The following NOX4 variants were observed in gnomAD, a reference collection of about 807,000 sequenced individuals.
The protein encoded by NOX4 is kidney oxidase-1.
A neutral mutation model predicts 87.6 loss-of-function variants in NOX4; 69 were observed. The ratio of observed to expected loss-of-function variants is 0.79; its 90% CI spans 0.65 to 0.96. The LOEUF (loss-of-function observed/expected upper bound fraction) is 0.96, where lower values mean the gene tolerates loss of function less well. NOX4 is among the 40% of genes least tolerant of loss of function. The probability of loss-of-function intolerance (pLI) is 0.00; values close to 1 mark genes in which losing one functional copy is unlikely to be tolerated. For missense variants in NOX4, 680 were observed against 681.5 expected, an observed-to-expected ratio of 1.00 and a Z score of 0.02; for synonymous variants, 275 against 238.2, an observed-to-expected ratio of 1.15 and a Z score of -1.42.
At chr11:89,438,836 AT>A (rs1944279598) in intron 6 of NOX4, among the ~76,000 whole-genome samples, 1 of 39,698 alleles carries the variant, frequency 2.5e-5, no homozygotes, top group Non-Finnish European at 3.6e-5. Flanking sequence ...TATCTTATAT[AT>A]TATATATATT....
At chr11:89,488,856 G>T in intron 2 of NOX4, 1 of 611,652 alleles carries the variant, frequency 1.6e-6, no homozygotes, top group Non-Finnish European at 2.9e-6. Flanking sequence ...GTGTTTATTA[G>T]AAGAAACCTT....
the NOX4 span, among the ~76,000 whole-genome samples, chr11:89,516,055 T>G: frequency 6.6e-6 from 1 of 152,084 alleles, no homozygotes; most frequent in African/African-American, 2.4e-5. Flanking sequence ...ATGTATTATA[T>G]ATTCACTTTT....
intron 2 of NOX4, among the ~76,000 whole-genome samples, chr11:89,489,496 G>A (rs1425796511): frequency 6.6e-6 from 1 of 152,114 alleles, no homozygotes; most frequent in Non-Finnish European, 1.5e-5. Context: ...GGGAGGCTGA[G>A]GCAGGCGGAT....
chr11:89,432,976 A>G (rs1274404219), intron 6 of NOX4, 120 bp from the exon 7 acceptor site: 9 of 668,192 alleles, frequency 1.3e-5, no homozygotes. Flanking sequence ...TTCAAATCCC[A>G]CATCTACATG....
chr11:89,553,665 C>T, the NOX4 span, among the ~76,000 whole-genome samples: 2 of 151,884 alleles, frequency 1.3e-5, no homozygotes, highest in Admixed American at 1.3e-4. Context: ...GTGAGCATAT[C>T]ACAGGCAATC....
At chr11:89,333,677 A>G (rs1945574191) in intron 17 of NOX4, among the ~76,000 whole-genome samples, 1 of 151,770 alleles carries the variant, frequency 6.6e-6, no homozygotes, top group South Asian at 2.1e-4. Context: ...ATATGTTTTC[A>G]GCAATTTGTG....
At chr11:89,415,324 A>G (rs1191314143) in intron 8 of NOX4, among the ~76,000 whole-genome samples, 1 of 152,090 alleles carries the variant, frequency 6.6e-6, no homozygotes, top group African/African-American at 2.4e-5. Flanking sequence ...TTCTTTTTCC[A>G]GTAGCCTTCA....
At chr11:89,392,320 A>G (rs1402225314) in intron 11 of NOX4, among the ~76,000 whole-genome samples, 2 of 152,088 alleles carry the variant, frequency 1.3e-5, no homozygotes. Context: ...TCCCTGGGCC[A>G]CCTCAAGAGT....
At chr11:89,399,904 A>T (rs1361717804) in intron 11 of NOX4, 113 bp downstream of exon 11, 1 of 634,862 alleles carries the variant, frequency 1.6e-6, no homozygotes, top group East Asian at 2.8e-5. Context: ...TTACTTAAAC[A>T]TCAAGAGTAC....
chr11:89,475,787 G>A (rs1946140687), intron 2 of NOX4, among the ~76,000 whole-genome samples: 1 of 151,916 alleles, frequency 6.6e-6, no homozygotes, highest in Non-Finnish European at 1.5e-5. Flanking sequence ...AAGAAATATT[G>A]AGGCACTGGG....
At chr11:89,451,316 C>T (rs1390194306) in intron 3 of NOX4, among the ~76,000 whole-genome samples, 2 of 152,216 alleles carry the variant, frequency 1.3e-5, no homozygotes, top group East Asian at 3.9e-4. Context: ...TCATGTATTG[C>T]TCAGAATCTA....
intron 8 of NOX4, among the ~76,000 whole-genome samples, chr11:89,409,167 G>A (rs1484925994): frequency 1.3e-5 from 2 of 151,986 alleles, no homozygotes; most frequent in Non-Finnish European, 2.9e-5. Context: ...AAATGACAGT[G>A]GAGGATAAAA....
At chr11:89,445,016 C>T (rs954314419) in intron 4 of NOX4, among the ~76,000 whole-genome samples, 68 of 152,206 alleles carry the variant, frequency 4.5e-4, no homozygotes, top group African/African-American at 1.6e-3. Flanking sequence ...CTTGCTCAAG[C>T]TTTGCTTGTA....
the NOX4 span, among the ~76,000 whole-genome samples, chr11:89,537,980 G>A: frequency 3.3e-5 from 5 of 152,158 alleles, no homozygotes; most frequent in South Asian, 1.0e-3. Context: ...TCTTAAACCA[G>A]AATATGGTTG....
At chr11:89,367,151 G>C (rs533843628) in intron 12 of NOX4, among the ~76,000 whole-genome samples, 42 of 152,184 alleles carry the variant, frequency 2.8e-4, no homozygotes, top group African/African-American at 9.9e-4. Flanking sequence ...ACTCACAAGA[G>C]GCCAGAACTA....
At chr11:89,399,213 A>T (rs1941676025) in intron 11 of NOX4, among the ~76,000 whole-genome samples, 1 of 150,320 alleles carries the variant, frequency 6.7e-6, no homozygotes, top group South Asian at 2.1e-4. Context: ...GCCATTATTT[A>T]CTCCATTTGA....
intron 7 of NOX4, among the ~76,000 whole-genome samples, chr11:89,425,995 A>G (rs150939215): frequency 2.0e-4 from 31 of 152,270 alleles, no homozygotes; most frequent in African/African-American, 7.2e-4. Flanking sequence ...GTTCAGAAGC[A>G]TCAACACTAT....
At chr11:89,526,484 G>A in the NOX4 span, among the ~76,000 whole-genome samples, 1 of 152,074 alleles carries the variant, frequency 6.6e-6, no homozygotes, top group African/African-American at 2.4e-5. Flanking sequence ...ATATGGTTAG[G>A]CTTTCTGTTC....
chr11:89,491,766 A>ACAC (rs1491101040), upstream of NOX4, among the ~76,000 whole-genome samples: 3 of 118,344 alleles, frequency 2.5e-5, no homozygotes, highest in South Asian at 4.5e-4. Context: ...ACACACACAC[A>ACAC]AGAAGACACA....
Sources: gnomAD v4.1 joint callset for allele counts (sites outside exome capture counted in the v4.1 genomes callset) on GRCh38, gnomAD v4.1.1 for gene constraint, MANE v1.5 for transcripts, NCBI Gene and HGNC (gene_info 2026-07-23, HGNC 2026-07-21) for gene names.